Variants in SLC24A4 observed in about 807,000 individuals in gnomAD.
SLC24A4 encodes the protein solute carrier family 24 member 4, also known as sodium/potassium/calcium exchanger 4.
A neutral mutation model predicts 79.0 loss-of-function variants in SLC24A4; 53 were observed. The observed-to-expected ratio is 0.67, with a 90% confidence interval of 0.54 to 0.84. The LOEUF is 0.84. SLC24A4 is among the 40% of genes least tolerant of loss of function. The pLI, the probability that SLC24A4 is intolerant of heterozygous loss-of-function variation, is 0.00. For missense variants in SLC24A4, 731 were observed against 822.0 expected, an observed-to-expected ratio of 0.89 and a Z score of 1.35; for synonymous variants, 323 against 323.8, an observed-to-expected ratio of 1.00 and a Z score of 0.03.
At chr14:92,408,446 T>C (rs1397954940) in intron 2 of SLC24A4, 16 of 985,084 alleles carry the variant, frequency 1.6e-5, no homozygotes, top group Non-Finnish European at 1.9e-5. Context: ...TGAGTTTATT[T>C]TACCTTGGAA....
intron 2 of SLC24A4, among the ~76,000 whole-genome samples, chr14:92,370,773 A>G (rs1566720353): frequency 6.6e-6 from 1 of 152,224 alleles, no homozygotes; most frequent in Non-Finnish European, 1.5e-5. Context: ...TTGGATGAAA[A>G]TAGGCCTCAT....
Position 92,441,200 on chromosome 14 carries a change from G to A in SLC24A4, c.394-889G>A, listed in dbSNP as rs1380579299. Among the ~76,000 whole-genome samples, 1 of 152,200 alleles carries A rather than the reference G, an allele frequency of 6.6e-6. No homozygotes were observed. The highest frequency in any genetic ancestry group is 1.5e-5 in the Non-Finnish European group (1 of 68,038). ...ACTTTGGGAGTTGGGGCTGGTGGAGGTGAGCCCTGTCCTGAGAGGCCTTCT... is the reference window on the plus strand; with the variant it reads ...ACTTTGGGAGTTGGGGCTGGTGGAGATGAGCCCTGTCCTGAGAGGCCTTCT... On this transcript the variant is annotated intron_variant, in intron 4 of 16. Coordinates refer to ENST00000532405, the MANE Select transcript of SLC24A4 (RefSeq NM_153646.4). This position sits in a 1 kb window ranked among gnomAD's most constrained non-coding sequence, Gnocchi z 4.6.
intron 13 of SLC24A4, 51 bp from the exon 14 acceptor site, chr14:92,486,615 A>C (rs1247592694): frequency 8.7e-7 from 1 of 1,142,998 alleles, no homozygotes; most frequent in Non-Finnish European, 1.3e-6. Context: ...ATATTTCTTT[A>C]GTCCACACAC....
chr14:92,366,790 C>T (rs116941581), intron 2 of SLC24A4, among the ~76,000 whole-genome samples: 5,451 of 152,220 alleles, frequency 0.036, 154 homozygotes, highest in Non-Finnish European at 0.051. Flanking sequence ...TGTGGGTTTT[C>T]GCAAGTGTTT....
At chr14:92,385,953 T>C (rs781220921) in intron 2 of SLC24A4, among the ~76,000 whole-genome samples, 3 of 152,056 alleles carry the variant, frequency 2.0e-5, no homozygotes, top group Non-Finnish European at 4.4e-5. Flanking sequence ...CCAGCAGTTA[T>C]GGAGGAGGAA....
chr14:92,324,551 C>T (rs554864426), intron 1 of SLC24A4, among the ~76,000 whole-genome samples: 115 of 152,354 alleles, frequency 7.5e-4, no homozygotes, highest in Middle Eastern at 3.4e-3. Flanking sequence ...CCCATGCCCC[C>T]TCCTCCAAGA....
Position 92,372,501 on chromosome 14 carries a change from G to A in SLC24A4, c.241+46523G>A, listed in dbSNP as rs376321045. Among the ~76,000 whole-genome samples the A allele has an allele frequency of 9.8e-5, 15 of 152,292 alleles. No homozygotes were observed. In the East Asian group the frequency reaches 1.2e-3, roughly 12 times the overall value. ...CCCTGGGGTGTCTGAGAGGCAGGCA[G>A]AGAATGGGTAGGGACTTCTCCCATC... On this transcript the variant is annotated intron_variant, in intron 2 of 16. Transcript: ENST00000532405.
chr14:92,482,667 C>G lies in SLC24A4; in HGVS notation c.1256-13C>G. Reference sequence around the variant, plus strand: ...CTCCCCCTCCTTTCTCACTCTGCCCCTTCACCCTGCAGAGGCCAGAGGGGA... The same window carrying G: ...CTCCCCCTCCTTTCTCACTCTGCCCGTTCACCCTGCAGAGGCCAGAGGGGA... On this transcript the variant is annotated splice_polypyrimidine_tract_variant and intron_variant, in intron 12 of 16. Coordinates refer to ENST00000532405, the MANE Select transcript of SLC24A4 (RefSeq NM_153646.4). The G allele has an allele frequency of 1.9e-6, 3 of 1,602,854 alleles. No individual in the cohort carries two copies. Among genetic ancestry groups the G allele is most frequent in the Non-Finnish European group, 2.6e-6 (3 of 1,173,748 alleles).
In SLC24A4 at chr14:92,327,344, C is replaced by T. The variant is rs540032413; in HGVS notation, c.241+1366C>T. Among the ~76,000 whole-genome samples, 6 of 152,270 alleles carry T rather than the reference C, an allele frequency of 3.9e-5. No individual in the cohort carries two copies. In the South Asian group the frequency reaches 1.2e-3, roughly 32 times the overall value. On this transcript the variant is annotated intron_variant, in intron 2 of 16. Coordinates refer to ENST00000532405, the MANE Select transcript of SLC24A4 (RefSeq NM_153646.4). ...CCTCCTGTCCTGGTGGCCCAGCAGG[C>T]GGGGTGCTCATCCTGTCATTCCCTC...
chr14:92,489,823 C>G (rs1895581368), intron 14 of SLC24A4, among the ~76,000 whole-genome samples: 1 of 152,202 alleles, frequency 6.6e-6, no homozygotes, highest in Non-Finnish European at 1.5e-5. Flanking sequence ...CCTCTGCAAA[C>G]TCAGGCACCT....
intron 8 of SLC24A4, among the ~76,000 whole-genome samples, chr14:92,445,782 T>C (rs1229855377): frequency 6.6e-6 from 1 of 152,000 alleles, no homozygotes; most frequent in Non-Finnish European, 1.5e-5. Context: ...CCTCACACCT[T>C]ATACAAGGGT....
chr14:92,359,198 G>A (rs1014247606), intron 2 of SLC24A4, among the ~76,000 whole-genome samples: 3 of 152,136 alleles, frequency 2.0e-5, no homozygotes, highest in African/African-American at 4.8e-5. Context: ...TAGTTGAAGA[G>A]CATCTTTGTG....
intron 2 of SLC24A4, among the ~76,000 whole-genome samples, chr14:92,330,442 T>C (rs951732738): frequency 6.6e-6 from 1 of 152,244 alleles, no homozygotes; most frequent in African/African-American, 2.4e-5. Context: ...CATGGGCCTC[T>C]AGGCCTTAGA....
At chr14:92,367,125 G>A (rs1478241581) in intron 2 of SLC24A4, among the ~76,000 whole-genome samples, 1 of 152,188 alleles carries the variant, frequency 6.6e-6, no homozygotes, top group African/African-American at 2.4e-5. Context: ...TGGTGCAGCA[G>A]GCAGACAGGA....
chr14:92,377,945 G>C (rs1388459059), intron 2 of SLC24A4, among the ~76,000 whole-genome samples: 1 of 151,936 alleles, frequency 6.6e-6, no homozygotes, highest in Non-Finnish European at 1.5e-5. Context: ...CTAACAGAAA[G>C]GGGGGACGAT....
chr14:92,340,994 C>T (rs1247894466), intron 2 of SLC24A4, among the ~76,000 whole-genome samples: 3 of 152,200 alleles, frequency 2.0e-5, no homozygotes, highest in Non-Finnish European at 4.4e-5. Context: ...GGTGGACAAC[C>T]AGTTCTTAGA....
intron 2 of SLC24A4, among the ~76,000 whole-genome samples, chr14:92,421,745 GAC>G (rs2141820288): frequency 6.6e-6 from 1 of 152,118 alleles, no homozygotes; most frequent in South Asian, 2.1e-4. Flanking sequence ...TGACCTAGGT[GAC>G]CTGCCTGCCT....
chr14:92,480,606 A>G (rs1339260246), intron 12 of SLC24A4, among the ~76,000 whole-genome samples: 1 of 152,106 alleles, frequency 6.6e-6, no homozygotes, highest in Non-Finnish European at 1.5e-5. Flanking sequence ...CCCTTTTTTA[A>G]TATAGGTATT....
chr14:92,465,074 GAAC>G (rs998285802), intron 12 of SLC24A4, among the ~76,000 whole-genome samples: 8 of 152,224 alleles, frequency 5.3e-5, no homozygotes, highest in African/African-American at 1.9e-4. Context: ...TCCCAGATGA[GAAC>G]AACGTGTTCC....
Sources: gnomAD v4.1 joint callset for allele counts (sites outside exome capture counted in the v4.1 genomes callset) on GRCh38, gnomAD v4.1.1 for gene constraint, Gnocchi (gnomAD v3.1) non-coding constraint, MANE v1.5 for transcripts, NCBI Gene and HGNC (gene_info 2026-07-23, HGNC 2026-07-21) for gene names.